SMYD1: variants seen among roughly 807,000 people sequenced by gnomAD.
SMYD1 encodes histone-lysine N-methyltransferase SMYD1.
In SMYD1, 49 loss-of-function variants were observed where a neutral mutation model predicts 54.0. The ratio of observed to expected loss-of-function variants is 0.91; its 90% CI spans 0.72 to 1.15. The LOEUF is 1.15. SMYD1 is among the 50% of genes most tolerant of loss of function. The pLI is 0.00. For synonymous variants in SMYD1, 269 were observed against 234.2 expected, an observed-to-expected ratio of 1.15 and a Z score of -1.36; for missense variants, 653 against 639.6, an observed-to-expected ratio of 1.02 and a Z score of -0.23.
rs764261358 is a variant in SMYD1, at chr2:88,106,340, C to T, written c.997C>T (p.Arg333Trp). ...CTCACTCTAGGTTGTGAAATTATGCCGGGAGTGCCTGGAGAAGCAGGAGCC... is the reference window on the plus strand; with the variant it reads ...CTCACTCTAGGTTGTGAAATTATGCTGGGAGTGCCTGGAGAAGCAGGAGCC... ...GLYHEVVKLC[R>W]ECLEKQEPVF... Residue 333 changes from arginine (R) to tryptophan (W), a missense_variant, in exon 8 of 10, where the codon CGG (arginine) becomes TGG (tryptophan). By Grantham distance (101) the Arg-to-Trp change is moderately radical. Coordinates refer to ENST00000419482, the MANE Select transcript of SMYD1 (RefSeq NM_198274.4). 6.2e-6 allele frequency: 10 copies of T among 1,614,056 alleles called. No homozygotes were observed. Among genetic ancestry groups the T allele is most frequent in the Non-Finnish European group, 5.9e-6 (7 of 1,180,018 alleles).
rs1012669401 is a variant in SMYD1, at chr2:88,112,299, T to C, written c.*1787T>C. 3 of 613,604 alleles carry C rather than the reference T, an allele frequency of 4.9e-6. No homozygotes were observed. The highest frequency in any genetic ancestry group is 2.5e-4 in the Middle Eastern group (1 of 3,964). 38.0% of individuals were successfully genotyped at this position (613,604 alleles called of 1,614,324 possible). A position where few individuals can be genotyped will look rare whatever the true frequency, so the allele number is the denominator to read the frequency against. On this transcript the variant is annotated 3_prime_UTR_variant, in exon 10 of 10. Coordinates refer to ENST00000419482, the MANE Select transcript of SMYD1 (RefSeq NM_198274.4). ...CCTGGTCATTTCCCCATATTCGTAG[T>C]CTTTTTTTCCATCCTATCTTTCTAA...
At chr2:88,083,382 G>A (rs1674244701) in intron 1 of SMYD1, among the ~76,000 whole-genome samples, 1 of 152,004 alleles carries the variant, frequency 6.6e-6, no homozygotes, top group African/African-American at 2.4e-5. Flanking sequence ...TTTAACATGG[G>A]ATACACGGGG....
chr2:88,100,859 G>A (rs945722875), intron 6 of SMYD1, among the ~76,000 whole-genome samples: 1 of 152,186 alleles, frequency 6.6e-6, no homozygotes, highest in African/African-American at 2.4e-5. Context: ...ACTGATGGGT[G>A]CATCCATTGT....
At position 88,111,725 on chromosome 2, in the gene SMYD1, G is replaced by A. The variant is rs1199252129; in HGVS notation, c.*1213G>A. 3 of 212,248 alleles carry A rather than the reference G, an allele frequency of 1.4e-5. No homozygotes were observed. Among genetic ancestry groups the A allele is most frequent in the African/African-American group, 4.5e-5 (2 of 44,494 alleles). 13.1% of individuals were successfully genotyped at this position (212,248 alleles called of 1,614,324 possible). The stretch of plus-strand genomic sequence containing the variant: ...CTGTTGTGATTTCCATCTAAGAAAT[G>A]AGGGTCTTGAGAATCAACCAGTCCC... On this transcript the variant is annotated 3_prime_UTR_variant, in exon 10 of 10. Transcript: ENST00000419482.
chr2:88,103,178 G>C (rs751638552), intron 7 of SMYD1, 28 bp downstream of exon 7: 1 of 1,596,692 alleles, frequency 6.3e-7, no homozygotes, highest in Non-Finnish European at 8.6e-7. Flanking sequence ...ATAGAGGATG[G>C]GGGTAGAAAG....
chr2:88,112,022 ACT>A lies in SMYD1; in HGVS notation c.*1513_*1514del, dbSNP rs1236758764. 7 of 702,448 alleles carry A rather than the reference ACT, an allele frequency of 1.0e-5. No homozygotes were observed. The highest frequency in any genetic ancestry group is 1.6e-5 in the Non-Finnish European group (6 of 384,748). The allele number at this position is 702,448 out of a possible 1,614,324, so 43.5% of individuals were successfully genotyped here. A position where few individuals can be genotyped will look rare whatever the true frequency, so the allele number is the denominator to read the frequency against. On this transcript the variant is annotated 3_prime_UTR_variant, in exon 10 of 10. Transcript: ENST00000419482. Reference sequence around the variant, plus strand: ...TCTGAGCACTACCCAGTGGCTGAAAACTCTGCAAATGGGCCACACTTTTGCAA... The same window carrying A: ...TCTGAGCACTACCCAGTGGCTGAAAACTGCAAATGGGCCACACTTTTGCAA...
intron 1 of SMYD1, chr2:88,082,661 G>A (rs999429081): frequency 1.3e-5 from 2 of 154,394 alleles, no homozygotes; most frequent in African/African-American, 4.8e-5. Context: ...GATTTCTGTA[G>A]GTGTATCAGA....
chr2:88,076,587 C>T (rs1211841068), intron 1 of SMYD1, among the ~76,000 whole-genome samples: 1 of 151,958 alleles, frequency 6.6e-6, no homozygotes, highest in African/African-American at 2.4e-5. Context: ...TCAATAAATA[C>T]TTGCAGAATG....
chr2:88,103,918 T>C (rs1480403840), intron 7 of SMYD1, among the ~76,000 whole-genome samples: 3 of 152,048 alleles, frequency 2.0e-5, no homozygotes, highest in Non-Finnish European at 4.4e-5. Context: ...TTAATGTCAC[T>C]AGGGCATGCA....
intron 6 of SMYD1, among the ~76,000 whole-genome samples, chr2:88,100,325 T>G (rs1674694411): frequency 6.6e-6 from 1 of 152,204 alleles, no homozygotes; most frequent in Admixed American, 6.5e-5. Flanking sequence ...CTTCCAGAGC[T>G]TCAAGTGACA....
At chr2:88,109,308 T>A (rs1235090375) in intron 9 of SMYD1, among the ~76,000 whole-genome samples, 1 of 152,126 alleles carries the variant, frequency 6.6e-6, no homozygotes, top group East Asian at 1.9e-4. Flanking sequence ...TAGAAAGTAT[T>A]CTGTGTAACA....
At chr2:88,077,269 C>T (rs931127780) in intron 1 of SMYD1, among the ~76,000 whole-genome samples, 1 of 152,220 alleles carries the variant, frequency 6.6e-6, no homozygotes, top group Admixed American at 6.5e-5. Flanking sequence ...ATCACAGAGT[C>T]CAGCAGGGCT....
rs745334056 is a variant in SMYD1, at chr2:88,067,974, G to A, written c.110G>A (p.Arg37Gln). Residue 37 changes from arginine (R) to glutamine (Q), a missense_variant, in exon 1 of 10, where the codon CGG becomes CAG. Coordinates refer to ENST00000419482, the MANE Select transcript of SMYD1 (RefSeq NM_198274.4). ...GCTGCAGATATCATCTTTGCTGAGC[G>A]GGCTTATTCCGCAGTGGTTTTTGAC... is the stretch of plus-strand genomic sequence containing the variant. ...FWAADIIFAERAYSAVVFDSL... is the reference protein window; with the variant it reads ...FWAADIIFAEQAYSAVVFDSL... The A allele has an allele frequency of 1.2e-6, 2 of 1,613,756 alleles. No homozygotes were observed. The highest frequency in any genetic ancestry group is 3.3e-5 in the Admixed American group (2 of 60,022).
rs1473359220 is a variant in SMYD1 at position 88,086,511 on chromosome 2, A to G, written c.315-1351A>G. ...CTCATACTCAAGTCCCTGTGTCTCT[A>G]TAGGTCTCCTCCTGTCCCACCTGGC... On this transcript the variant is annotated intron_variant, in intron 2 of 9. Coordinates refer to ENST00000419482, the MANE Select transcript of SMYD1 (RefSeq NM_198274.4). Among the ~76,000 whole-genome samples, 5 of 152,220 alleles carry G rather than the reference A, an allele frequency of 3.3e-5. No homozygotes were observed. The East Asian group carries it at 9.7e-4, about 30-fold the overall frequency.
intron 1 of SMYD1, among the ~76,000 whole-genome samples, chr2:88,075,055 T>C (rs79970466): frequency 6.6e-6 from 1 of 152,174 alleles, no homozygotes; most frequent in Non-Finnish European, 1.5e-5. Flanking sequence ...TCCGGAACAA[T>C]TAGTTCAGAA....
At chr2:88,093,261 G>A (rs546557089) in intron 4 of SMYD1, among the ~76,000 whole-genome samples, 1 of 152,332 alleles carries the variant, frequency 6.6e-6, no homozygotes, top group Non-Finnish European at 1.5e-5. Context: ...CTGAAACACA[G>A]GGAAGGGAAG....
rs59808789 is a variant in SMYD1 at position 88,089,585 on chromosome 2, G to GTTTTT, written c.529-1407_529-1403dup. Among the ~76,000 whole-genome samples the GTTTTT allele has an allele frequency of 2.3e-4, 25 of 106,998 alleles. No individual in the cohort carries two copies. The East Asian group carries it at 2.6e-3, about 11-fold the overall frequency. 70.2% of individuals were successfully genotyped at this position (106,998 alleles called of 152,430 possible). A position where few individuals can be genotyped will look rare whatever the true frequency, so the allele number is the denominator to read the frequency against. On this transcript the variant is annotated intron_variant, in intron 3 of 9. Coordinates refer to ENST00000419482, the MANE Select transcript of SMYD1 (RefSeq NM_198274.4). ...TTTTCAGGAGCCAGAGCTTCTACCT[G>GTTTTT]TTTTTTTTTTTTTTTTTTTTTTTTG...
Position 88,112,006 on chromosome 2 carries a change from T to C in SMYD1, c.*1494T>C, listed in dbSNP as rs1675035657. 4.3e-6 allele frequency: 3 copies of C among 701,814 alleles called. No individual in the cohort carries two copies. Among genetic ancestry groups the C allele is most frequent in the East Asian group, 2.7e-5 (1 of 37,240 alleles). The allele number at this position is 701,814 out of a possible 1,614,324, so 43.5% of individuals were successfully genotyped here. A position where few individuals can be genotyped will look rare whatever the true frequency, so the allele number is the denominator to read the frequency against. ...TGACCTGCTGTGTCCCTCTGAGCAC[T>C]ACCCAGTGGCTGAAAACTCTGCAAA... On this transcript the variant is annotated 3_prime_UTR_variant, in exon 10 of 10. Coordinates refer to ENST00000419482, the MANE Select transcript of SMYD1 (RefSeq NM_198274.4).
At chr2:88,102,389 A>G (rs1674740739) in intron 6 of SMYD1, among the ~76,000 whole-genome samples, 2 of 151,902 alleles carry the variant, frequency 1.3e-5, no homozygotes, top group African/African-American at 4.8e-5. Flanking sequence ...TAAGATCACT[A>G]GGCTGCTTAG....
Sources: gnomAD v4.1 joint callset for allele counts (sites outside exome capture counted in the v4.1 genomes callset) on GRCh38, gnomAD v4.1.1 for gene constraint, MANE v1.5 for transcripts, NCBI Gene and HGNC (gene_info 2026-07-23, HGNC 2026-07-21) for gene names.